The following SERINC5 variants were observed in gnomAD, a reference collection of about 807,000 sequenced individuals.
SERINC5 encodes the protein serine incorporator 5.
In SERINC5, 41 loss-of-function variants were observed where a neutral mutation model predicts 63.1. The observed-to-expected ratio is 0.65, with a 90% confidence interval of 0.51 to 0.84. SERINC5 has a LOEUF of 0.84. SERINC5 is among the 40% of genes least tolerant of loss of function. The pLI is 0.00. For synonymous variants in SERINC5, 222 were observed against 215.2 expected (o/e 1.03, Z -0.28); for missense variants, 523 against 573.0 (o/e 0.91, Z 0.89).
chr5:80,131,354 C>A (rs1455648719), intron 11 of SERINC5, among the ~76,000 whole-genome samples: 18 of 152,172 alleles, frequency 1.2e-4, no homozygotes, highest in Admixed American at 1.2e-3. Flanking sequence ...GCCTCCCCAG[C>A]CATGTGGAGC....
intron 2 of SERINC5, among the ~76,000 whole-genome samples, chr5:80,196,795 C>T (rs1749524742): frequency 6.6e-6 from 1 of 151,508 alleles, no homozygotes; most frequent in Non-Finnish European, 1.5e-5. Context: ...AAAAAATTAA[C>T]CGGGCCTGGT....
At chr5:80,222,301 T>C in intron 1 of SERINC5, among the ~76,000 whole-genome samples, 1 of 152,036 alleles carries the variant, frequency 6.6e-6, no homozygotes, top group East Asian at 1.9e-4. Context: ...TTTGCAACTG[T>C]GGATGGGCCA....
intron 2 of SERINC5, among the ~76,000 whole-genome samples, chr5:80,184,149 A>G (rs973987570): frequency 6.6e-6 from 1 of 152,212 alleles, no homozygotes; most frequent in Non-Finnish European, 1.5e-5. Flanking sequence ...TAAAAGCTAC[A>G]TTCATGGAGA....
chr5:80,255,908 G>A lies in SERINC5; in HGVS notation c.15C>T (p.Cys5=), dbSNP rs755848809. The change falls in exon 1 of 12, where the codon TGC becomes TGT. Residue 5 remains cysteine, a synonymous_variant. Coordinates refer to ENST00000507668, the MANE Select transcript of SERINC5 (RefSeq NM_001174072.3). MSAQ[C]CAGQLACCCG... ...CGGCCTCGCTCACCTGGCCCGCACA[G>A]CACTGAGCTGACATCGCGGCGGCCA... 3.2e-6 allele frequency: 5 copies of A among 1,576,840 alleles called. No individual in the cohort carries two copies. In the South Asian group the frequency reaches 3.4e-5, roughly 11 times the overall value.
intron 2 of SERINC5, among the ~76,000 whole-genome samples, chr5:80,178,661 G>T (rs1748215173): frequency 6.7e-6 from 1 of 148,220 alleles, no homozygotes; most frequent in Non-Finnish European, 1.5e-5. Flanking sequence ...ATCATCATAG[G>T]TATGAACCAC....
Position 80,227,388 on chromosome 5 carries a change from T to TA in SERINC5, c.28-24336dup, listed in dbSNP as rs1751216351. Among the ~76,000 whole-genome samples the TA allele has an allele frequency of 2.0e-5, 3 of 152,144 alleles. No individual in the cohort carries two copies. In the South Asian group the frequency reaches 6.2e-4, roughly 32 times the overall value. On this transcript the variant is annotated intron_variant, in intron 1 of 11. Coordinates refer to ENST00000507668, the MANE Select transcript of SERINC5 (RefSeq NM_001174072.3). ...GATAGGAACTCAGTCAGCCAGGCCC[T>TA]AAACTCTTTCCTGTGCTGCTATGGT...
At chr5:80,224,923 G>A (rs910142074) in intron 1 of SERINC5, among the ~76,000 whole-genome samples, 1 of 143,750 alleles carries the variant, frequency 7.0e-6, no homozygotes, top group South Asian at 2.2e-4. Context: ...CACGCCCAGC[G>A]TTTTTTTTTT....
At chr5:80,171,891 A>C (rs1747688787) in intron 5 of SERINC5, among the ~76,000 whole-genome samples, 1 of 151,938 alleles carries the variant, frequency 6.6e-6, no homozygotes, top group Admixed American at 6.5e-5. Flanking sequence ...TTTAAAAAAA[A>C]AGACAAAAAA....
At chr5:80,181,416 T>TTGTG (rs70982028) in intron 2 of SERINC5, among the ~76,000 whole-genome samples, 42,579 of 145,224 alleles carry the variant, frequency 0.29, 6,552 homozygotes, top group African/African-American at 0.39. Context: ...TCAGCTAATT[T>TTGTG]TGTGTGTGTG....
At position 80,158,901 on chromosome 5, in the gene SERINC5, G is replaced by A. The variant is rs745898644; in HGVS notation, c.921C>T (p.Tyr307=). The change falls in exon 8 of 12, where the codon TAC becomes TAT. Residue 307 remains tyrosine, a synonymous_variant. Coordinates refer to ENST00000507668, the MANE Select transcript of SERINC5 (RefSeq NM_001174072.3). ...ICVPDFGQDL[Y]RDENLVTILG... ...GTATAGTCACCAAGTTTTCATCTCT[G>A]TACAGGTCTTGACCAAAGTCAGGCA... 41 of 1,613,330 alleles carry A rather than the reference G, an allele frequency of 2.5e-5. No homozygotes were observed. Among genetic ancestry groups the A allele is most frequent in the Non-Finnish European group, 3.4e-5 (40 of 1,179,490 alleles).
intron 1 of SERINC5, among the ~76,000 whole-genome samples, chr5:80,233,463 C>T (rs976970648): frequency 1.3e-5 from 2 of 151,600 alleles, no homozygotes; most frequent in African/African-American, 4.9e-5. Context: ...TTAAAAATAA[C>T]CTAATAGCCA....
chr5:80,202,860 G>A, intron 2 of SERINC5, 26 bp downstream of exon 2: 7 of 1,588,820 alleles, frequency 4.4e-6, no homozygotes, highest in Non-Finnish European at 6.0e-6. Context: ...TCGGAAATAG[G>A]ACGAGCTGAA....
At chr5:80,222,036 A>G (rs1750926577) in intron 1 of SERINC5, among the ~76,000 whole-genome samples, 1 of 152,082 alleles carries the variant, frequency 6.6e-6, no homozygotes, top group African/African-American at 2.4e-5. Flanking sequence ...AGTCCCAGCT[A>G]CTTGAGAGGC....
At chr5:80,216,665 A>T (rs935692981) in intron 1 of SERINC5, among the ~76,000 whole-genome samples, 1 of 152,202 alleles carries the variant, frequency 6.6e-6, no homozygotes, top group African/African-American at 2.4e-5. Flanking sequence ...GGAGAAGTGT[A>T]GGAGACTGGG....
chr5:80,124,770 C>A (rs2112241524), intron 11 of SERINC5, among the ~76,000 whole-genome samples: 1 of 152,244 alleles, frequency 6.6e-6, no homozygotes, highest in South Asian at 2.1e-4. Flanking sequence ...GTCCTGATTC[C>A]AAGTTCCTGG....
chr5:80,175,493 C>T (rs1561395731), intron 4 of SERINC5, among the ~76,000 whole-genome samples: 1 of 152,176 alleles, frequency 6.6e-6, no homozygotes, highest in Admixed American at 6.5e-5. Context: ...GACAAGGACT[C>T]GGTTCGACTT....
At chr5:80,225,645 G>A (rs899502614) in intron 1 of SERINC5, among the ~76,000 whole-genome samples, 2 of 152,172 alleles carry the variant, frequency 1.3e-5, no homozygotes, top group African/African-American at 4.8e-5. Context: ...AGCAACACCC[G>A]AAAAGACAAA....
intron 11 of SERINC5, among the ~76,000 whole-genome samples, chr5:80,127,302 G>A (rs1744782202): frequency 6.6e-6 from 1 of 152,164 alleles, no homozygotes; most frequent in Non-Finnish European, 1.5e-5. Context: ...CAGAAGTGAT[G>A]TGTGCCACTT....
At position 80,203,257 on chromosome 5, in the gene SERINC5, C is replaced by CACAT. The variant is rs1554067829; in HGVS notation, c.28-205_28-204insATGT. 2.4e-3 allele frequency: 625 copies of CACAT among 257,610 alleles called. 7 individuals are homozygous for CACAT. Among genetic ancestry groups the CACAT allele is most frequent in the Middle Eastern group, 5.8e-3 (4 of 692 alleles). 16.0% of individuals were successfully genotyped at this position (257,610 alleles called of 1,614,324 possible). A position where few individuals can be genotyped will look rare whatever the true frequency, so the allele number is the denominator to read the frequency against. The stretch of plus-strand genomic sequence containing the variant: ...CTGTCTCTAAATAAATATATATACA[C>CACAT]ATATATATATATATGTGTATATATA... On this transcript the variant is annotated intron_variant, in intron 1 of 11. Coordinates refer to ENST00000507668, the MANE Select transcript of SERINC5 (RefSeq NM_001174072.3).
Sources: allele counts gnomAD v4.1 joint callset (sites outside exome capture counted in the v4.1 genomes callset), GRCh38; gene constraint gnomAD v4.1.1; transcripts MANE v1.5; gene names NCBI Gene and HGNC (gene_info 2026-07-23, HGNC 2026-07-21).